RGL1: variants seen among roughly 807,000 people sequenced by gnomAD.
RGL1 encodes the protein ral guanine nucleotide dissociation stimulator-like 1.
A neutral mutation model predicts 95.2 loss-of-function variants in RGL1; 24 were observed. That is an observed-to-expected ratio of 0.25 (90% confidence interval 0.18 to 0.35). The LOEUF is 0.35. Among genes scored for constraint, RGL1 ranks in the 10% least tolerant of loss-of-function variants. The pLI is 1.00. For synonymous variants in RGL1, 329 were observed against 344.9 expected, an observed-to-expected ratio of 0.95 and a Z score of 0.51; for missense variants, 715 against 936.3, an observed-to-expected ratio of 0.76 and a Z score of 3.08.
Position 183,648,289 on chromosome 1 carries a change from G to A in RGL1, c.-33+11788G>A, listed in dbSNP as rs149737719. ...GCTTCGCGGTTCCATGCTGAGGCAGGAAAGTCCATCTCAGTATGATAGAGC... is the reference window on the plus strand; with the variant it reads ...GCTTCGCGGTTCCATGCTGAGGCAGAAAAGTCCATCTCAGTATGATAGAGC... On this transcript the variant is annotated intron_variant, in intron 1 of 18. Transcript: ENST00000304685. 4.6e-5 allele frequency: 74 copies of A among 1,614,196 alleles called. No individual in the cohort carries two copies. In the African/African-American group the frequency reaches 8.7e-4, roughly 19 times the overall value.
At chr1:183,789,904 T>C (rs1014246246) in intron 2 of RGL1, among the ~76,000 whole-genome samples, 1 of 149,646 alleles carries the variant, frequency 6.7e-6, no homozygotes, top group Non-Finnish European at 1.5e-5. Context: ...TGCACCAACC[T>C]AATAGTCAGA....
intron 2 of RGL1, among the ~76,000 whole-genome samples, chr1:183,843,328 C>A (rs750729284): frequency 2.0e-4 from 31 of 152,214 alleles, no homozygotes; most frequent in Non-Finnish European, 3.4e-4. Flanking sequence ...TCCTAATGCA[C>A]AGATGCAAAC....
chr1:183,908,354 C>T (rs753324597), intron 14 of RGL1, among the ~76,000 whole-genome samples: 1 of 152,160 alleles, frequency 6.6e-6, no homozygotes, highest in Non-Finnish European at 1.5e-5. Flanking sequence ...CATCAGCGGC[C>T]ACGCAGGCTG....
intron 9 of RGL1, among the ~76,000 whole-genome samples, chr1:183,895,587 A>C (rs1558278691): frequency 6.6e-6 from 1 of 152,212 alleles, no homozygotes. Context: ...AAGAATCACT[A>C]AGAGAATATG....
At chr1:183,687,663 G>T (rs1005776111) in intron 1 of RGL1, among the ~76,000 whole-genome samples, 1 of 152,068 alleles carries the variant, frequency 6.6e-6, no homozygotes, top group Non-Finnish European at 1.5e-5. Context: ...GGTTGAGAGA[G>T]GTATTCAGTA....
chr1:183,683,269 G>C (rs1459736418), intron 1 of RGL1, among the ~76,000 whole-genome samples: 1 of 152,090 alleles, frequency 6.6e-6, no homozygotes, highest in Non-Finnish European at 1.5e-5. Context: ...TAGTGTTGAT[G>C]GTCTTTACAA....
At chr1:183,855,778 C>A (rs115945453) in intron 3 of RGL1, among the ~76,000 whole-genome samples, 1 of 152,320 alleles carries the variant, frequency 6.6e-6, no homozygotes, top group Non-Finnish European at 1.5e-5. Flanking sequence ...CATTAACACT[C>A]ACATTAAATC....
chr1:183,638,484 T>G (rs1221195036), intron 1 of RGL1, among the ~76,000 whole-genome samples: 1 of 152,198 alleles, frequency 6.6e-6, no homozygotes, highest in African/African-American at 2.4e-5. Flanking sequence ...AGTGGGCACA[T>G]AAATTACTTC....
chr1:183,767,539 A>G (rs1489846250), intron 2 of RGL1, among the ~76,000 whole-genome samples: 1 of 152,196 alleles, frequency 6.6e-6, no homozygotes, highest in Non-Finnish European at 1.5e-5. Flanking sequence ...TGACCAGTTA[A>G]GTACTTTAGT....
Position 183,916,589 on chromosome 1 carries a change from C to T in RGL1, c.1892C>T (p.Thr631Met), listed in dbSNP as rs1459593092. The part of the protein sequence containing the change: ...PKIHKRSVSV[T>M]SITSTVLPPV... Reference sequence around the variant, plus strand: ...ATCCACAAGCGCTCTGTCTCGGTGACGTCCATTACCTCGACTGTGCTGCCT... The same window carrying T: ...ATCCACAAGCGCTCTGTCTCGGTGATGTCCATTACCTCGACTGTGCTGCCT... Residue 631 changes from threonine to methionine, a missense_variant, in exon 16 of 18, where the codon ACG (threonine) becomes ATG (methionine). Thr to Met is a moderately conservative substitution (Grantham distance 81). Transcript: ENST00000360851. The T allele has an allele frequency of 1.9e-6, 3 of 1,613,848 alleles. No homozygotes were observed. Among genetic ancestry groups the T allele is most frequent in the South Asian group, 1.1e-5 (1 of 91,020 alleles).
intron 2 of RGL1, among the ~76,000 whole-genome samples, chr1:183,782,492 C>G (rs1659955836): frequency 6.6e-6 from 1 of 152,164 alleles, no homozygotes; most frequent in Non-Finnish European, 1.5e-5. Context: ...TTTTTGAGGT[C>G]TGTTTGGCAT....
chr1:183,671,959 G>A (rs1014162817), intron 1 of RGL1, among the ~76,000 whole-genome samples: 2 of 146,732 alleles, frequency 1.4e-5, no homozygotes, highest in Non-Finnish European at 3.0e-5. Flanking sequence ...TTGAGACAGA[G>A]CCTTGCTCTG....
chr1:183,861,357 A>G (rs1487882665), intron 3 of RGL1, among the ~76,000 whole-genome samples: 2 of 152,182 alleles, frequency 1.3e-5, no homozygotes, highest in Non-Finnish European at 2.9e-5. Context: ...AACTTTATCT[A>G]AGGGTTTCTT....
At chr1:183,883,641 A>T (rs1334731054) in intron 5 of RGL1, 145 bp from the exon 6 acceptor site, 1 of 755,114 alleles carries the variant, frequency 1.3e-6, no homozygotes, top group African/African-American at 1.7e-5. Flanking sequence ...TTGTTCTCAG[A>T]TGCATTGTGC....
chr1:183,674,991 GA>G (rs1652720172), intron 1 of RGL1, among the ~76,000 whole-genome samples: 1 of 152,184 alleles, frequency 6.6e-6, no homozygotes, highest in Non-Finnish European at 1.5e-5. Context: ...CTGTCAAAAG[GA>G]ATTGACCAAA....
chr1:183,864,830 T>C (rs1352314966), intron 3 of RGL1, among the ~76,000 whole-genome samples: 1 of 152,204 alleles, frequency 6.6e-6, no homozygotes, highest in Non-Finnish European at 1.5e-5. Context: ...CGGGATGGGA[T>C]GATAGGGACA....
At position 183,795,774 on chromosome 1, in the gene RGL1, G is replaced by A. The variant is rs557999466; in HGVS notation, c.133-10601G>A. On this transcript the variant is annotated intron_variant, in intron 2 of 18. Coordinates refer to the RGL1 transcript ENST00000304685. The stretch of plus-strand genomic sequence containing the variant: ...GTGGAGGATAAATTAAAGTGGGCAG[G>A]AAAATCAAGCTTGGTGTTTTTCTAT... Among the ~76,000 whole-genome samples, 12 of 152,316 alleles carry A rather than the reference G, an allele frequency of 7.9e-5. No homozygotes were observed. In the South Asian group the frequency reaches 2.5e-3, roughly 32 times the overall value.
At chr1:183,663,746 A>G (rs1387728869) in intron 1 of RGL1, among the ~76,000 whole-genome samples, 1 of 151,698 alleles carries the variant, frequency 6.6e-6, no homozygotes, top group African/African-American at 2.4e-5. Flanking sequence ...TCATGCTGCT[A>G]TAAAGACACG....
At position 183,805,160 on chromosome 1, in the gene RGL1, C is replaced by T; in HGVS notation, c.-138C>T. ...CGCACCGGCGGCGGCGGGGGCAGCGCGGCGCGTGTCTGTGCGCTGCGGTCG... is the reference window on the plus strand; with the variant it reads ...CGCACCGGCGGCGGCGGGGGCAGCGTGGCGCGTGTCTGTGCGCTGCGGTCG... On this transcript the variant is annotated 5_prime_UTR_variant, in exon 1 of 18. Coordinates refer to ENST00000360851, the MANE Select transcript of RGL1 (RefSeq NM_001297671.3). The T allele has an allele frequency of 1.7e-6, 2 of 1,148,902 alleles. No individual in the cohort carries two copies. The highest frequency in any genetic ancestry group is 2.2e-6 in the Non-Finnish European group (2 of 891,032). The allele number at this position is 1,148,902 out of a possible 1,614,324, so 71.2% of individuals were successfully genotyped here.
Sources: allele counts gnomAD v4.1 joint callset (sites outside exome capture counted in the v4.1 genomes callset), GRCh38; gene constraint gnomAD v4.1.1; transcripts MANE v1.5; gene names NCBI Gene and HGNC (gene_info 2026-07-23, HGNC 2026-07-21).